IPO11: variants seen among roughly 807,000 people sequenced by gnomAD.
The protein encoded by IPO11 is importin-11.
In IPO11, 66 loss-of-function variants were observed where a neutral mutation model predicts 143.2. That is an observed-to-expected ratio of 0.46 (90% CI 0.38 to 0.57). The LOEUF (loss-of-function observed/expected upper bound fraction) is 0.57, where lower values mean the gene tolerates loss of function less well. Among genes scored for constraint, IPO11 ranks in the 20% least tolerant of loss-of-function variants. The pLI is 0.00. For synonymous variants in IPO11, 385 were observed against 377.8 expected (o/e 1.02, Z -0.22); for missense variants, 1,026 against 1,141.0 (o/e 0.90, Z 1.45).
At chr5:62,539,621 G>A (rs1348238236) in intron 24 of IPO11, among the ~76,000 whole-genome samples, 1 of 152,142 alleles carries the variant, frequency 6.6e-6, no homozygotes, top group Admixed American at 6.5e-5. Flanking sequence ...GGCTTGTTGA[G>A]ACCCTGGATA....
Position 62,483,086 on chromosome 5 carries a change from T to C in IPO11, c.829-15T>C. Reference sequence around the variant, plus strand: ...GAAAATACATTTTAATTTTTATTTATTTATTTTTCTACAGCTTTTGGACTT... The same window carrying C: ...GAAAATACATTTTAATTTTTATTTACTTATTTTTCTACAGCTTTTGGACTT... On this transcript the variant is annotated splice_polypyrimidine_tract_variant and intron_variant, in intron 9 of 29. Coordinates refer to ENST00000325324, the MANE Select transcript of IPO11 (RefSeq NM_016338.5). 5 of 1,476,750 alleles carry C rather than the reference T, an allele frequency of 3.4e-6. No individual in the cohort carries two copies. The allele number at this position is 1,476,750 out of a possible 1,614,324, so 91.5% of individuals were successfully genotyped here. A position where few individuals can be genotyped will look rare whatever the true frequency, so the allele number is the denominator to read the frequency against.
chr5:62,570,572 C>T (rs1744101434), intron 27 of IPO11, among the ~76,000 whole-genome samples: 1 of 152,174 alleles, frequency 6.6e-6, no homozygotes, highest in African/African-American at 2.4e-5. Context: ...TGTACTTCAC[C>T]TTTAGGATAG....
At chr5:62,578,395 C>T (rs1744402509) in intron 27 of IPO11, among the ~76,000 whole-genome samples, 1 of 151,928 alleles carries the variant, frequency 6.6e-6, no homozygotes, top group Non-Finnish European at 1.5e-5. Context: ...GCGTATTTAA[C>T]ACAACATAAA....
intron 2 of IPO11, among the ~76,000 whole-genome samples, chr5:62,442,585 G>A (rs1331740593): frequency 2.0e-5 from 3 of 152,114 alleles, no homozygotes; most frequent in African/African-American, 7.2e-5. Flanking sequence ...CAGGCTGGGT[G>A]TGGTGGCTCA....
At chr5:62,593,151 G>C (rs371027020) in intron 28 of IPO11, among the ~76,000 whole-genome samples, 1 of 143,888 alleles carries the variant, frequency 6.9e-6, no homozygotes, top group Non-Finnish European at 1.5e-5. Flanking sequence ...AAACAGTACA[G>C]TTCTAGATTT....
At chr5:62,485,162 C>A (rs1261111102) in intron 11 of IPO11, among the ~76,000 whole-genome samples, 1 of 151,958 alleles carries the variant, frequency 6.6e-6, no homozygotes, top group Non-Finnish European at 1.5e-5. Flanking sequence ...CTACTTTGAG[C>A]TTTTTTCCAT....
intron 4 of IPO11, among the ~76,000 whole-genome samples, chr5:62,451,091 G>C (rs935909633): frequency 6.6e-6 from 1 of 152,076 alleles, no homozygotes; most frequent in Non-Finnish European, 1.5e-5. Flanking sequence ...TGTTCTTTCA[G>C]CTAGCATTTG....
intron 1 of IPO11, among the ~76,000 whole-genome samples, chr5:62,429,622 G>GTGTGTA (rs1450994900): frequency 6.9e-6 from 1 of 145,522 alleles, no homozygotes; most frequent in Non-Finnish European, 1.5e-5. Context: ...GTGTGTGTGT[G>GTGTGTA]TGTGTATGTG....
At chr5:62,455,285 C>T (rs893068988) in intron 5 of IPO11, among the ~76,000 whole-genome samples, 1 of 152,032 alleles carries the variant, frequency 6.6e-6, no homozygotes, top group Non-Finnish European at 1.5e-5. Context: ...ACTGGGAGGC[C>T]GTGGTGGGCA....
At chr5:62,424,353 A>T (rs960485580) in intron 1 of IPO11, among the ~76,000 whole-genome samples, 1 of 151,790 alleles carries the variant, frequency 6.6e-6, no homozygotes, top group Non-Finnish European at 1.5e-5. Context: ...GTTAGCCAAG[A>T]TGGTCTCGAT....
intron 21 of IPO11, among the ~76,000 whole-genome samples, chr5:62,529,050 G>C (rs563810417): frequency 6.6e-6 from 1 of 151,970 alleles, no homozygotes; most frequent in Non-Finnish European, 1.5e-5. Flanking sequence ...CTGCTCTTAT[G>C]TTTATTATCT....
chr5:62,493,593 G>A (rs1211722528), intron 15 of IPO11, among the ~76,000 whole-genome samples: 3 of 149,670 alleles, frequency 2.0e-5, no homozygotes, highest in African/African-American at 7.4e-5. Flanking sequence ...TTTTGACAGA[G>A]CCTTGATCTG....
At chr5:62,454,547 A>G (rs139751662) in intron 5 of IPO11, among the ~76,000 whole-genome samples, 1 of 152,274 alleles carries the variant, frequency 6.6e-6, no homozygotes, top group African/African-American at 2.4e-5. Flanking sequence ...ATCTCCACAG[A>G]TTGTACAGAT....
intron 19 of IPO11, among the ~76,000 whole-genome samples, chr5:62,510,296 T>C (rs929934727): frequency 1.2e-4 from 18 of 152,192 alleles, no homozygotes; most frequent in African/African-American, 4.1e-4. Context: ...CATTGAAAAA[T>C]CTCAAACCTC....
rs1292123490 is a variant in IPO11 at position 62,441,813 on chromosome 5, G to C, written c.139-1170G>C. Among the ~76,000 whole-genome samples, 3 of 148,730 alleles carry C rather than the reference G, an allele frequency of 2.0e-5. No homozygotes were observed. The East Asian group carries it at 6.0e-4, about 30-fold the overall frequency. ...ATTACAGGCATGAACCACCATGCCCGGCCGCTTTATATCTCTTAAAAATGT... is the reference window on the plus strand; with the variant it reads ...ATTACAGGCATGAACCACCATGCCCCGCCGCTTTATATCTCTTAAAAATGT... On this transcript the variant is annotated intron_variant, in intron 2 of 29. Transcript: ENST00000325324.
chr5:62,518,140 TAAAAAAA>T (rs34629573), intron 20 of IPO11, among the ~76,000 whole-genome samples: 1 of 120,290 alleles, frequency 8.3e-6, no homozygotes, highest in South Asian at 2.7e-4. Flanking sequence ...CCGTGCCTAC[TAAAAAAA>T]AAAAAAAAAA....
chr5:62,433,179 A>T (rs910625849), intron 1 of IPO11, among the ~76,000 whole-genome samples: 1 of 150,988 alleles, frequency 6.6e-6, no homozygotes, highest in Admixed American at 6.6e-5. Context: ...CAATCTACTT[A>T]AAGTGTTGGC....
At chr5:62,494,673 A>G (rs572670205) in intron 16 of IPO11, among the ~76,000 whole-genome samples, 2 of 152,258 alleles carry the variant, frequency 1.3e-5, no homozygotes, top group Non-Finnish European at 2.9e-5. Flanking sequence ...TTACTGAAAT[A>G]GTAGTAGTAA....
Position 62,476,733 on chromosome 5 carries a change from A to C in IPO11, c.808A>C (p.Ile270Leu), listed in dbSNP as rs778250035. 6.6e-7 allele frequency: 1 copy of C among 1,523,330 alleles called. No homozygotes were observed. The highest frequency in any genetic ancestry group is 1.3e-5 in the South Asian group (1 of 77,630). 94.4% of individuals were successfully genotyped at this position (1,523,330 alleles called of 1,614,324 possible). A position where few individuals can be genotyped will look rare whatever the true frequency, so the allele number is the denominator to read the frequency against. ...GTGTAGAGATAGACTGGAAAAGACC[A>C]TCATTCTTTTTACTAAAGTGGTAAG... ...NVCRDRLEKT[I>L]ILFTKVLLDF... The change falls in exon 9 of 30, where the codon ATC (isoleucine) becomes CTC (leucine). Residue 270 changes from isoleucine to leucine, a missense_variant. By Grantham distance (5) the Ile-to-Leu change is conservative (BLOSUM62 2). Around this residue, in one of 5 missense-constraint regions of IPO11, gnomAD observed 429 missense variants for 456.3 expected, o/e 0.94. Transcript: ENST00000325324.
Sources: allele counts gnomAD v4.1 joint callset (sites outside exome capture counted in the v4.1 genomes callset), GRCh38; gene constraint gnomAD v4.1.1; regional missense constraint gnomAD v4.1.1; transcripts MANE v1.5; gene names NCBI Gene and HGNC (gene_info 2026-07-23, HGNC 2026-07-21).